FCHSD2: variants seen among roughly 807,000 people sequenced by gnomAD.
FCHSD2 encodes F-BAR and double SH3 domains protein 2.
A neutral mutation model predicts 108.1 loss-of-function variants in FCHSD2; 38 were observed. The observed-to-expected ratio is 0.35, with a 90% CI of 0.27 to 0.46. FCHSD2 has a LOEUF of 0.46. Among genes scored for constraint, FCHSD2 ranks in the 20% least tolerant of loss-of-function variants. The pLI is 1.00. For synonymous variants in FCHSD2, 279 were observed against 314.7 expected (o/e 0.89, Z 1.20); for missense variants, 751 against 897.8 (o/e 0.84, Z 2.09).
At chr11:73,040,894 C>A (rs188900965) in intron 3 of FCHSD2, among the ~76,000 whole-genome samples, 25 of 152,272 alleles carry the variant, frequency 1.6e-4, no homozygotes, top group Admixed American at 3.3e-4. Context: ...TGCTCCCCCC[C>A]CTCTTTGGTA....
chr11:73,041,638 A>C (rs1858641843), intron 3 of FCHSD2, among the ~76,000 whole-genome samples: 2 of 152,136 alleles, frequency 1.3e-5, no homozygotes, highest in African/African-American at 4.8e-5. Context: ...TATATTCTGG[A>C]TATTAGTCCT....
chr11:73,077,104 A>T (rs113101952), intron 3 of FCHSD2, among the ~76,000 whole-genome samples: 1 of 150,900 alleles, frequency 6.6e-6, no homozygotes, highest in Admixed American at 6.6e-5. Flanking sequence ...TCTCAAAAAA[A>T]AAAAAAAAAG....
At chr11:72,956,803 A>G (rs773216706) in intron 8 of FCHSD2, among the ~76,000 whole-genome samples, 3 of 139,352 alleles carry the variant, frequency 2.2e-5, no homozygotes, top group Admixed American at 7.6e-5. Flanking sequence ...TGCATAGGGG[A>G]AAAATGATGA....
chr11:72,910,078 T>C (rs1453585384), intron 9 of FCHSD2, among the ~76,000 whole-genome samples: 1 of 149,116 alleles, frequency 6.7e-6, no homozygotes, highest in East Asian at 2.0e-4. Context: ...CCGCCCCATC[T>C]GGGAGGTGAG....
At chr11:73,075,556 TAA>T (rs1859530069) in intron 3 of FCHSD2, among the ~76,000 whole-genome samples, 1 of 152,156 alleles carries the variant, frequency 6.6e-6, no homozygotes, top group South Asian at 2.1e-4. Flanking sequence ...GATCATTTGT[TAA>T]AAAGTTAAAC....
At chr11:72,937,739 T>C (rs764899550) in intron 8 of FCHSD2, among the ~76,000 whole-genome samples, 16 of 152,196 alleles carry the variant, frequency 1.1e-4, no homozygotes, top group Non-Finnish European at 2.1e-4. Flanking sequence ...CATGAGAACC[T>C]GGGCAAGCAT....
chr11:73,109,725 C>A (rs1344303589), intron 2 of FCHSD2, among the ~76,000 whole-genome samples: 3 of 152,114 alleles, frequency 2.0e-5, no homozygotes, highest in African/African-American at 7.2e-5. Context: ...CTAGGACTTC[C>A]AGTAATACAC....
At chr11:72,997,469 T>C (rs1857540516) in intron 5 of FCHSD2, among the ~76,000 whole-genome samples, 1 of 152,068 alleles carries the variant, frequency 6.6e-6, no homozygotes, top group South Asian at 2.1e-4. Context: ...ATATTGTGAG[T>C]CATAATCAAA....
chr11:73,079,670 T>C (rs1160942664), intron 3 of FCHSD2, among the ~76,000 whole-genome samples: 3 of 152,140 alleles, frequency 2.0e-5, no homozygotes, highest in Non-Finnish European at 4.4e-5. Context: ...AAACAATGTT[T>C]ACACAATCAA....
chr11:72,918,787 T>C (rs74810815), intron 9 of FCHSD2, among the ~76,000 whole-genome samples: 3,328 of 152,284 alleles, frequency 0.022, 80 homozygotes, highest in African/African-American at 0.059. Flanking sequence ...AACTTTGTTA[T>C]TAATTGGAAG....
intron 8 of FCHSD2, among the ~76,000 whole-genome samples, chr11:72,964,942 A>T (rs1856879463): frequency 6.6e-6 from 1 of 151,990 alleles, no homozygotes; most frequent in Non-Finnish European, 1.5e-5. Flanking sequence ...GGCGCCCGCC[A>T]CCACACCCGG....
At chr11:72,869,066 C>G (rs1374556065) in intron 12 of FCHSD2, among the ~76,000 whole-genome samples, 4 of 151,816 alleles carry the variant, frequency 2.6e-5, no homozygotes, top group Non-Finnish European at 5.9e-5. Flanking sequence ...ACCACCACAC[C>G]CGGCTAATTT....
intron 5 of FCHSD2, among the ~76,000 whole-genome samples, chr11:72,996,486 T>C (rs569885893): frequency 2.0e-5 from 3 of 152,324 alleles, no homozygotes; most frequent in East Asian, 3.9e-4. Context: ...CCTTAAGTTA[T>C]TGTAGCTCTC....
chr11:73,129,905 C>T (rs1412428997), intron 2 of FCHSD2, among the ~76,000 whole-genome samples: 3 of 143,820 alleles, frequency 2.1e-5, no homozygotes, highest in Non-Finnish European at 3.0e-5. Context: ...GACAGAGTCT[C>T]GCTCTGTCGC....
chr11:72,965,084 T>C (rs533645490), intron 8 of FCHSD2, among the ~76,000 whole-genome samples: 5 of 152,234 alleles, frequency 3.3e-5, no homozygotes, highest in Admixed American at 6.5e-5. Context: ...CCACCGCGCC[T>C]GGCCAATCAT....
chr11:72,956,001 C>G (rs1565340563), intron 8 of FCHSD2, among the ~76,000 whole-genome samples: 1 of 152,062 alleles, frequency 6.6e-6, no homozygotes, highest in Non-Finnish European at 1.5e-5. Context: ...AACAGGGGTT[C>G]TTGGGGAAAT....
intron 3 of FCHSD2, among the ~76,000 whole-genome samples, chr11:73,034,305 T>G (rs1244092320): frequency 2.0e-5 from 3 of 152,230 alleles, no homozygotes; most frequent in Non-Finnish European, 4.4e-5. Flanking sequence ...AAAAGCCTTT[T>G]AAGACCAAGT....
chr11:73,118,341 A>C (rs1371279453), intron 2 of FCHSD2, among the ~76,000 whole-genome samples: 1 of 152,138 alleles, frequency 6.6e-6, no homozygotes, highest in Non-Finnish European at 1.5e-5. Context: ...ACAAAAACAA[A>C]GGACACAGAA....
chr11:72,841,303 C>A, intron 18 of FCHSD2, 151 bp downstream of exon 18: 1 of 796,482 alleles, frequency 1.3e-6, no homozygotes, highest in Non-Finnish European at 1.9e-6. Context: ...TGAACTCCAG[C>A]CTGGGTGTCC....
Sources: gnomAD v4.1 joint callset for allele counts (sites outside exome capture counted in the v4.1 genomes callset) on GRCh38, gnomAD v4.1.1 for gene constraint, MANE v1.5 for transcripts, NCBI Gene and HGNC (gene_info 2026-07-23, HGNC 2026-07-21) for gene names.